The following FAM53C variants were observed in gnomAD, a reference collection of about 807,000 sequenced individuals.
FAM53C encodes the protein family with sequence similarity 53 member C.
Under a neutral mutation model 34.7 loss-of-function variants are expected in FAM53C, and 10 were observed. That is an observed-to-expected ratio of 0.29 (90% CI 0.18 to 0.49). The LOEUF (loss-of-function observed/expected upper bound fraction) is 0.49. FAM53C is among the 20% of genes least tolerant of loss of function. The probability of loss-of-function intolerance (pLI) is 0.99; values close to 1 mark genes in which losing one functional copy is unlikely to be tolerated. For synonymous variants in FAM53C, 203 were observed against 203.6 expected (o/e 1.00, Z 0.03); for missense variants, 442 against 515.3 (o/e 0.86, Z 1.38).
At chr5:138,337,651 C>A, upstream of FAM53C, 1 of 311,148 alleles carries the variant, frequency 3.2e-6, no homozygotes, top group Admixed American at 5.0e-5. Flanking sequence ...GTGGAAACGT[C>A]CCCGCAACCA....
At chr5:138,337,725 T>TC (rs1193159455), upstream of FAM53C, 4 of 335,642 alleles carry the variant, frequency 1.2e-5, no homozygotes, top group Non-Finnish European at 2.3e-5. Context: ...CTCCTGGGAC[T>TC]CCGAGCAGGC....
intron 2 of FAM53C, 66 bp downstream of exon 2, chr5:138,341,479 T>A (rs1185519101): frequency 1.5e-6 from 2 of 1,370,830 alleles, no homozygotes; most frequent in African/African-American, 2.8e-5. Flanking sequence ...TGATTGTTGC[T>A]ATTACTTTAC....
In FAM53C at chr5:138,346,989, A is replaced by G; in HGVS notation, c.*30A>G. On this transcript the variant is annotated 3_prime_UTR_variant, in exon 5 of 5. Transcript: ENST00000239906. ...GAGAGGCTACTTCCTGGGGCCACACAGACTGACTCTCTCATGGCTACTAAC... is the reference window on the plus strand; with the variant it reads ...GAGAGGCTACTTCCTGGGGCCACACGGACTGACTCTCTCATGGCTACTAAC... 6.2e-7 allele frequency: 1 copy of G among 1,613,082 alleles called. No homozygotes were observed. The highest frequency in any genetic ancestry group is 8.5e-7 in the Non-Finnish European group (1 of 1,179,678).
upstream of FAM53C, chr5:138,338,141 A>G (rs545699599): frequency 1.5e-4 from 195 of 1,289,658 alleles, 1 homozygote; most frequent in Non-Finnish European, 1.9e-4. Context: ...CACGACACGG[A>G]GCTGCGCCCT....
At position 138,347,193 on chromosome 5, in the gene FAM53C, A is replaced by G. The variant is rs866470658; in HGVS notation, c.*234A>G. On this transcript the variant is annotated 3_prime_UTR_variant, in exon 5 of 5. Transcript: ENST00000239906. ...GACAGCCCCAGAGCAGACCCTTCCT[A>G]TGGCGGCCCTGAGTGTGAGTATCCC... 7 of 577,256 alleles carry G rather than the reference A, an allele frequency of 1.2e-5. No homozygotes were observed. The highest frequency in any genetic ancestry group is 2.1e-5 in the Non-Finnish European group (7 of 332,954). The allele number at this position is 577,256 out of a possible 1,614,324, so 35.8% of individuals were successfully genotyped here.
Position 138,345,181 on chromosome 5 carries a change from A to G in FAM53C, c.493A>G (p.Lys165Glu). The change falls in exon 4 of 5, where the codon AAG becomes GAG. Residue 165 changes from lysine (K) to glutamate (E), a missense_variant. Physicochemically the swap from Lys to Glu is moderately conservative, Grantham distance 56 (BLOSUM62 1). Coordinates refer to ENST00000239906, the MANE Select transcript of FAM53C (RefSeq NM_016605.3). This position sits in a 1 kb window ranked among gnomAD's most constrained non-coding sequence, Gnocchi z 6.3. ...GPQVPHQSPP[K>E]RVSSLRFLQA... ...GCAGGTGCCTCACCAGAGCCCCCCA[A>G]AGCGGGTCTCCAGCCTCAGGTTCCT... 3 of 1,614,122 alleles carry G rather than the reference A, an allele frequency of 1.9e-6. No individual in the cohort carries two copies. Among genetic ancestry groups the G allele is most frequent in the Non-Finnish European group, 2.5e-6 (3 of 1,180,004 alleles).
chr5:138,346,280 G>A (rs1018202550), intron 4 of FAM53C, among the ~76,000 whole-genome samples: 1 of 152,150 alleles, frequency 6.6e-6, no homozygotes, highest in Admixed American at 6.5e-5. Context: ...CTGCCCTCAC[G>A]GAGCTTCTAT....
chr5:138,337,715 C>T (rs905300577), upstream of FAM53C: 4 of 335,480 alleles, frequency 1.2e-5, no homozygotes, highest in Non-Finnish European at 1.7e-5. Context: ...GCAAGAGGGG[C>T]TCCTGGGACT....
upstream of FAM53C, chr5:138,337,897 T>C: frequency 8.3e-7 from 1 of 1,203,072 alleles, no homozygotes; most frequent in Non-Finnish European, 1.1e-6. Flanking sequence ...CCGAACCGAG[T>C]GGGAGGCTGC....
chr5:138,340,226 A>G (rs1760995455), intron 1 of FAM53C, among the ~76,000 whole-genome samples: 1 of 152,236 alleles, frequency 6.6e-6, no homozygotes, highest in South Asian at 2.1e-4. Context: ...GAGGCCAAGG[A>G]GTATTAAATG....
rs1301149291 is a variant in FAM53C at position 138,345,932 on chromosome 5, A to G, written c.921+323A>G. On this transcript the variant is annotated intron_variant, in intron 4 of 4. Coordinates refer to ENST00000239906, the MANE Select transcript of FAM53C (RefSeq NM_016605.3). The surrounding 1 kb of genome is among the most constrained non-coding windows in gnomAD (Gnocchi z 6.3). ...CCTTTCCAAGAATGCACAAGCTGCAAAAAATTCCATCAGTACCTACTCCTT... is the reference window on the plus strand; with the variant it reads ...CCTTTCCAAGAATGCACAAGCTGCAGAAAATTCCATCAGTACCTACTCCTT... Among the ~76,000 whole-genome samples the G allele has an allele frequency of 2.0e-5, 3 of 152,240 alleles. No individual in the cohort carries two copies. The highest frequency in any genetic ancestry group is 2.9e-5 in the Non-Finnish European group (2 of 68,044).
At chr5:138,346,361 A>G (rs10900852) in intron 4 of FAM53C, among the ~76,000 whole-genome samples, 1 of 152,184 alleles carries the variant, frequency 6.6e-6, no homozygotes, top group Non-Finnish European at 1.5e-5. Flanking sequence ...CATGGTGGCT[A>G]ACGCCTGTAA....
At chr5:138,343,990 C>T (rs558240341) in intron 3 of FAM53C, among the ~76,000 whole-genome samples, 1 of 152,298 alleles carries the variant, frequency 6.6e-6, no homozygotes, top group South Asian at 2.1e-4. Flanking sequence ...GAATTCCAGC[C>T]AGCTAGCCAG....
At chr5:138,337,918 T>C (rs766649027), upstream of FAM53C, 2 of 1,274,652 alleles carry the variant, frequency 1.6e-6, no homozygotes, top group South Asian at 1.2e-5. Context: ...AGTTGGGCCG[T>C]TGGAGGGAGG....
At position 138,345,932 on chromosome 5, in the gene FAM53C, A is replaced by C. The variant is rs1301149291; in HGVS notation, c.921+323A>C. Among the ~76,000 whole-genome samples the C allele has an allele frequency of 6.6e-6, 1 of 152,240 alleles. No individual in the cohort carries two copies. Among genetic ancestry groups the C allele is most frequent in the East Asian group, 1.9e-4 (1 of 5,196 alleles). On this transcript the variant is annotated intron_variant, in intron 4 of 4. Coordinates refer to ENST00000239906, the MANE Select transcript of FAM53C (RefSeq NM_016605.3). This position sits in a 1 kb window ranked among gnomAD's most constrained non-coding sequence, Gnocchi z 6.3. ...CCTTTCCAAGAATGCACAAGCTGCA[A>C]AAAATTCCATCAGTACCTACTCCTT... is the stretch of plus-strand genomic sequence containing the variant.
rs1426986890 is a variant in FAM53C at position 138,348,223 on chromosome 5, G to A, written c.*1264G>A. The A allele has an allele frequency of 2.6e-5, 4 of 152,696 alleles. No individual in the cohort carries two copies. Among genetic ancestry groups the A allele is most frequent in the Non-Finnish European group, 5.9e-5 (4 of 68,094 alleles). 9.5% of individuals were successfully genotyped at this position (152,696 alleles called of 1,614,324 possible). On this transcript the variant is annotated 3_prime_UTR_variant, in exon 5 of 5. Coordinates refer to ENST00000239906, the MANE Select transcript of FAM53C (RefSeq NM_016605.3). ...TGGGGCTCACTGAGGGATTGGCTGA[G>A]GATGTATAAAGCAAAGGCTGTGAGA...
At chr5:138,343,795 T>C (rs1040462887) in intron 3 of FAM53C, 3 of 152,174 alleles carry the variant, frequency 2.0e-5, no homozygotes, top group Non-Finnish European at 4.4e-5. Context: ...CTTCCTCCTG[T>C]TTATTAAAGA....
At chr5:138,338,133 C>T (rs1309699541), upstream of FAM53C, 20 of 1,289,700 alleles carry the variant, frequency 1.6e-5, no homozygotes, top group Admixed American at 4.6e-5. Flanking sequence ...GAGAGAGACA[C>T]GACACGGAGC....
Position 138,347,087 on chromosome 5 carries a change from C to T in FAM53C, c.*128C>T, listed in dbSNP as rs1331029278. 2.3e-6 allele frequency: 3 copies of T among 1,302,082 alleles called. No individual in the cohort carries two copies. The highest frequency in any genetic ancestry group is 3.2e-6 in the Non-Finnish European group (3 of 942,602). The allele number at this position is 1,302,082 out of a possible 1,614,324, so 80.7% of individuals were successfully genotyped here. ...AGTGGAGGGCTCCGACTCAGGGCAGCTGGAAATCTTCTCGCTCCAGCAAGC... is the reference window on the plus strand; with the variant it reads ...AGTGGAGGGCTCCGACTCAGGGCAGTTGGAAATCTTCTCGCTCCAGCAAGC... On this transcript the variant is annotated 3_prime_UTR_variant, in exon 5 of 5. Transcript: ENST00000239906.
Sources: gnomAD v4.1 joint callset for allele counts (sites outside exome capture counted in the v4.1 genomes callset) on GRCh38, gnomAD v4.1.1 for gene constraint, Gnocchi (gnomAD v3.1) non-coding constraint, MANE v1.5 for transcripts, NCBI Gene and HGNC (gene_info 2026-07-23, HGNC 2026-07-21) for gene names.